Variants in CSMD2 observed in about 807,000 individuals in gnomAD.
CSMD2 encodes CUB and Sushi multiple domains 2, also known as CUB and sushi domain-containing protein 2.
A neutral mutation model predicts 398.5 loss-of-function variants in CSMD2; 130 were observed. The observed-to-expected ratio is 0.33, with a 90% CI of 0.28 to 0.38. The LOEUF is 0.38. Among genes scored for constraint, CSMD2 ranks in the 10% least tolerant of loss-of-function variants. The pLI is 1.00. For missense variants in CSMD2, 3,829 were observed against 4,764.9 expected (o/e 0.80, Z 5.78); for synonymous variants, 1,828 against 1,908.5 (o/e 0.96, Z 1.10).
At chr1:34,049,054 G>T (rs1291742271) in intron 2 of CSMD2, among the ~76,000 whole-genome samples, 1 of 152,154 alleles carries the variant, frequency 6.6e-6, no homozygotes, top group East Asian at 1.9e-4. Context: ...GGGCTCCAGG[G>T]TTTTTGCTCA....
At chr1:34,136,624 C>T (rs910143728) in intron 1 of CSMD2, among the ~76,000 whole-genome samples, 7 of 152,146 alleles carry the variant, frequency 4.6e-5, no homozygotes, top group Non-Finnish European at 8.8e-5. Context: ...CTGCATCATT[C>T]GCTTGTCAAT....
rs866544470 is a variant in CSMD2 at position 33,742,589 on chromosome 1, C to A, written c.2173+691G>T. Among the ~76,000 whole-genome samples, 223 of 142,034 alleles carry A rather than the reference C, an allele frequency of 1.6e-3. 2 individuals carry two copies. Among genetic ancestry groups the A allele is most frequent in the Middle Eastern group, 0.011 (3 of 282 alleles). The allele number at this position is 142,034 out of a possible 152,430, so 93.2% of individuals were successfully genotyped here. ...TCACCAAGCTTCTGCCCCCCCCCCC[C>A]CAACCCCCTCTGTAACCACGAGATA... On this transcript the variant is annotated intron_variant, in intron 14 of 70. Transcript: ENST00000373381.
rs963679095 is a variant in CSMD2, at chr1:33,567,558, G to A, written c.8380+35C>T. On this transcript the variant is annotated intron_variant, in intron 53 of 70. Transcript: ENST00000373381. ...GGGAGAAAGTCCATGTTGAATCTGA[G>A]CCCCATGACTAGGGAGAGTGGATGA... The A allele has an allele frequency of 3.1e-6, 5 of 1,608,454 alleles. No individual in the cohort carries two copies. In the African/African-American group the frequency reaches 4.0e-5, roughly 13 times the overall value.
chr1:33,549,644 GAGA>G (rs1190432941), intron 56 of CSMD2, among the ~76,000 whole-genome samples: 2 of 152,236 alleles, frequency 1.3e-5, no homozygotes, highest in Non-Finnish European at 2.9e-5. Context: ...CAAGGCAGTA[GAGA>G]AGAAGACTGT....
intron 3 of CSMD2, among the ~76,000 whole-genome samples, chr1:33,969,464 GATAGAT>G (rs1340983855): frequency 1.3e-5 from 2 of 152,216 alleles, no homozygotes; most frequent in Non-Finnish European, 2.9e-5. Context: ...TAGACAGATA[GATAGAT>G]ATAGAGATTT....
chr1:33,936,738 C>A (rs142786615), intron 3 of CSMD2, among the ~76,000 whole-genome samples: 4 of 152,338 alleles, frequency 2.6e-5, no homozygotes, highest in Admixed American at 2.6e-4. Context: ...CCTGTTCTAA[C>A]TGACCCAGCT....
intron 22 of CSMD2, among the ~76,000 whole-genome samples, chr1:33,708,591 C>CTTCTTATTATTA (rs1553180002): frequency 7.1e-6 from 1 of 141,084 alleles, no homozygotes; most frequent in African/African-American, 2.6e-5. Context: ...TCCAACCGAA[C>CTTCTTATTATTA]TTATTATTAT....
chr1:33,865,279 G>A (rs1019945850), intron 5 of CSMD2, among the ~76,000 whole-genome samples: 2 of 151,634 alleles, frequency 1.3e-5, no homozygotes, highest in Non-Finnish European at 2.9e-5. Context: ...TATGGCATCT[G>A]AGTTGAGACA....
At chr1:34,021,741 A>G (rs1648917655) in intron 3 of CSMD2, among the ~76,000 whole-genome samples, 1 of 152,330 alleles carries the variant, frequency 6.6e-6, no homozygotes, top group South Asian at 2.1e-4. Context: ...CATGGTAAAG[A>G]GTCCCCACCT....
intron 3 of CSMD2, among the ~76,000 whole-genome samples, chr1:33,986,372 C>A (rs530134787): frequency 8.3e-4 from 127 of 152,264 alleles, no homozygotes; most frequent in African/African-American, 2.9e-3. Flanking sequence ...GAAGCTAACA[C>A]GTAACATCCT....
At chr1:33,671,815 G>T (rs757928801) in intron 25 of CSMD2, among the ~76,000 whole-genome samples, 12 of 152,192 alleles carry the variant, frequency 7.9e-5, no homozygotes, top group Non-Finnish European at 1.6e-4. Context: ...CCTCTCAAGT[G>T]CTGCCCACAG....
intron 10 of CSMD2, among the ~76,000 whole-genome samples, chr1:33,798,294 C>A (rs1051101889): frequency 6.6e-6 from 1 of 152,214 alleles, no homozygotes; most frequent in Non-Finnish European, 1.5e-5. Context: ...AATGAATAAA[C>A]AAACCCATCA....
intron 6 of CSMD2, among the ~76,000 whole-genome samples, chr1:33,829,927 A>C (rs1473018026): frequency 6.6e-6 from 1 of 152,232 alleles, no homozygotes; most frequent in Non-Finnish European, 1.5e-5. Context: ...GTCTGAGATC[A>C]AACTGCAAGG....
At chr1:34,094,053 A>G (rs908560515) in intron 1 of CSMD2, among the ~76,000 whole-genome samples, 1 of 152,248 alleles carries the variant, frequency 6.6e-6, no homozygotes. Flanking sequence ...GACTAACAGC[A>G]GATCTCTCGG....
In CSMD2 at chr1:33,820,891, T is replaced by A. The variant is rs1658062941; in HGVS notation, c.1112-335A>T. On this transcript the variant is annotated intron_variant, in intron 7 of 70. Coordinates refer to ENST00000373381, the MANE Select transcript of CSMD2 (RefSeq NM_001281956.2). ...GGACCATCCACAGCCCCTGGTGACCTCCCCCCACCACGCCTATGCTTCAGA... is the reference window on the plus strand; with the variant it reads ...GGACCATCCACAGCCCCTGGTGACCACCCCCCACCACGCCTATGCTTCAGA... 2.0e-5 allele frequency among the ~76,000 whole-genome samples: 3 copies of A among 151,612 alleles called. No homozygotes were observed. In the South Asian group the frequency reaches 6.3e-4, roughly 32 times the overall value.
At chr1:34,064,883 T>C (rs1038276645) in intron 2 of CSMD2, among the ~76,000 whole-genome samples, 4 of 152,074 alleles carry the variant, frequency 2.6e-5, no homozygotes, top group South Asian at 2.1e-4. Flanking sequence ...ACTTCTTACA[T>C]GGTGGCAACA....
At chr1:33,957,329 C>T (rs1205754577) in intron 3 of CSMD2, among the ~76,000 whole-genome samples, 2 of 152,046 alleles carry the variant, frequency 1.3e-5, no homozygotes, top group African/African-American at 4.8e-5. Context: ...GCAATGAAAC[C>T]ATGTATACAG....
chr1:33,548,573 G>A (rs1657129424), intron 56 of CSMD2, among the ~76,000 whole-genome samples: 1 of 152,216 alleles, frequency 6.6e-6, no homozygotes, highest in East Asian at 1.9e-4. Flanking sequence ...ATTCATGAAT[G>A]TGTATTTCAT....
chr1:34,000,343 C>T (rs1042598949), intron 3 of CSMD2, among the ~76,000 whole-genome samples: 2 of 152,020 alleles, frequency 1.3e-5, no homozygotes, highest in African/African-American at 4.8e-5. Flanking sequence ...CCTTTTCACC[C>T]GAATGATGGA....
Sources: gnomAD v4.1 joint callset for allele counts (sites outside exome capture counted in the v4.1 genomes callset) on GRCh38, gnomAD v4.1.1 for gene constraint, MANE v1.5 for transcripts, NCBI Gene and HGNC (gene_info 2026-07-23, HGNC 2026-07-21) for gene names.